G3BP2: variants seen among roughly 807,000 people sequenced by gnomAD.
G3BP2 encodes G3BP stress granule assembly factor 2.
G3BP2 carries 11 observed loss-of-function variants against 56.7 expected under a neutral mutation model. The observed-to-expected ratio is 0.19, with a 90% confidence interval of 0.12 to 0.32. G3BP2 has a LOEUF of 0.32. Among genes scored for constraint, G3BP2 ranks in the 10% least tolerant of loss-of-function variants. The pLI is 1.00. For missense variants in G3BP2, 340 were observed against 610.9 expected (o/e 0.56, Z 4.67); for synonymous variants, 165 against 191.6 (o/e 0.86, Z 1.15).
At position 75,668,690 on chromosome 4, in the gene G3BP2, G is replaced by A. The variant is rs2149032279; in HGVS notation, c.-25+4518C>T. Among the ~76,000 whole-genome samples, 2 of 152,250 alleles carry A rather than the reference G, an allele frequency of 1.3e-5. 1 individual carries two copies. Among genetic ancestry groups the A allele is most frequent in the African/African-American group, 4.8e-5 (2 of 41,546 alleles). On this transcript the variant is annotated intron_variant, in intron 1 of 11. Transcript: ENST00000359707. ...GATCCTAAAAGTCTGTTAACAAGAA[G>A]CAGGACTTTTGACTTCTCCTCCAAT...
chr4:75,671,372 T>A (rs776307217), intron 1 of G3BP2, among the ~76,000 whole-genome samples: 1 of 152,222 alleles, frequency 6.6e-6, no homozygotes, highest in Non-Finnish European at 1.5e-5. Context: ...TTTTGCAGGA[T>A]AAGGAGGGAA....
intron 3 of G3BP2, among the ~76,000 whole-genome samples, chr4:75,687,830 G>A (rs1718675353): frequency 6.6e-6 from 1 of 152,188 alleles, no homozygotes; most frequent in African/African-American, 2.4e-5. Flanking sequence ...ATAAATAACT[G>A]AGCCCCTGGC....
chr4:75,669,880 G>A (rs534173089), intron 1 of G3BP2, among the ~76,000 whole-genome samples: 2 of 148,576 alleles, frequency 1.3e-5, no homozygotes, highest in Non-Finnish European at 2.9e-5. Context: ...ATCACCTGAG[G>A]TCAGGAGTTC....
chr4:75,655,092 C>A lies in G3BP2; in HGVS notation c.700G>T (p.Val234Phe). ...TTTGGTGGTTCTTGTGGCAGAGAAA[C>A]AGGTTCTGCCGGAGGAGGAGTAGTA... ...KSTTPPPAEP[V>F]SLPQEPPKAF... The change falls in exon 7 of 12, where the codon GTT (valine) becomes TTT (phenylalanine). Residue 234 changes from valine (V) to phenylalanine (F), a missense_variant. Physicochemically the swap from Val to Phe is conservative, Grantham distance 50 (BLOSUM62 -1). Around this residue, in one of 4 missense-constraint regions of G3BP2, gnomAD observed 224 missense variants for 332.5 expected, o/e 0.67. Coordinates refer to ENST00000359707, the MANE Select transcript of G3BP2 (RefSeq NM_203505.3). 3 of 1,612,068 alleles carry A rather than the reference C, an allele frequency of 1.9e-6. No homozygotes were observed. The highest frequency in any genetic ancestry group is 1.7e-6 in the Non-Finnish European group (2 of 1,179,198).
At chr4:75,678,853 AT>A (rs1411681503) in intron 3 of G3BP2, among the ~76,000 whole-genome samples, 2 of 152,342 alleles carry the variant, frequency 1.3e-5, no homozygotes, top group Non-Finnish European at 1.5e-5. Context: ...CATGTAAAAC[AT>A]TTTAACAGTG....
rs1731022452 is a variant in G3BP2 at position 75,643,603 on chromosome 4, G to A, written c.*1827C>T. ...AGACCTCATTCAAAGGGGGAAAAAGGGACAGATTTTACTCATATTGCCCAG... is the reference window on the plus strand; with the variant it reads ...AGACCTCATTCAAAGGGGGAAAAAGAGACAGATTTTACTCATATTGCCCAG... On this transcript the variant is annotated 3_prime_UTR_variant, in exon 12 of 12. Transcript: ENST00000359707. 6.6e-6 allele frequency: 1 copy of A among 152,192 alleles called. No homozygotes were observed. Among genetic ancestry groups the A allele is most frequent in the Non-Finnish European group, 1.5e-5 (1 of 67,948 alleles). The allele number at this position is 152,192 out of a possible 1,614,324, so 9.4% of individuals were successfully genotyped here. A position where few individuals can be genotyped will look rare whatever the true frequency, so the allele number is the denominator to read the frequency against.
chr4:75,708,406 T>C (rs193136148), intron 3 of G3BP2, among the ~76,000 whole-genome samples: 1 of 152,250 alleles, frequency 6.6e-6, no homozygotes, highest in Admixed American at 6.5e-5. Flanking sequence ...GGTAAACAAA[T>C]TCTATAAGCC....
chr4:75,688,673 T>C (rs1435523632), intron 3 of G3BP2, among the ~76,000 whole-genome samples: 1 of 152,188 alleles, frequency 6.6e-6, no homozygotes, highest in African/African-American at 2.4e-5. Context: ...AAATCCTCCT[T>C]GTCCTTTACT....
At chr4:75,654,973 A>G (rs1731978472) in intron 7 of G3BP2, 93 bp downstream of exon 7, 3 of 792,912 alleles carry the variant, frequency 3.8e-6, no homozygotes, top group Non-Finnish European at 6.0e-6. Flanking sequence ...AATTTACTAA[A>G]CAATTTAACA....
At chr4:75,657,484 T>TAGA (rs903427432) in intron 4 of G3BP2, 73 bp downstream of exon 4, 7 of 1,115,160 alleles carry the variant, frequency 6.3e-6, no homozygotes, top group Non-Finnish European at 9.0e-6. Context: ...CTAAACCTAT[T>TAGA]AGAAGAAACC....
In G3BP2 at chr4:75,642,807, ATTGT is replaced by A. The variant is rs912498827; in HGVS notation, c.*2619_*2622del. On this transcript the variant is annotated 3_prime_UTR_variant, in exon 12 of 12. Transcript: ENST00000359707. ...TAAATGCTGCAGACATCAGTAGTTT[ATTGT>A]TTGTTTAGTCCAAACACATTCAATA... 1 of 152,624 alleles carries A rather than the reference ATTGT, an allele frequency of 6.6e-6. No individual in the cohort carries two copies. The highest frequency in any genetic ancestry group is 1.5e-5 in the Non-Finnish European group (1 of 67,994). 9.5% of individuals were successfully genotyped at this position (152,624 alleles called of 1,614,324 possible).
intron 8 of G3BP2, among the ~76,000 whole-genome samples, chr4:75,652,661 A>T (rs1731789749): frequency 6.6e-6 from 1 of 152,120 alleles, no homozygotes; most frequent in East Asian, 1.9e-4. Context: ...CATGAGCCAC[A>T]TATGGACTCA....
At chr4:75,682,508 G>T (rs1173956060) in intron 3 of G3BP2, among the ~76,000 whole-genome samples, 1 of 152,160 alleles carries the variant, frequency 6.6e-6, no homozygotes, top group Non-Finnish European at 1.5e-5. Flanking sequence ...CTCGAAGGGG[G>T]AGGAATAGTG....
intron 1 of G3BP2, chr4:75,662,591 AC>A (rs1230506521): frequency 6.6e-6 from 1 of 152,284 alleles, no homozygotes; most frequent in East Asian, 1.9e-4. Context: ...AAAGCAACTT[AC>A]AACAAATAGC....
At chr4:75,665,701 T>A (rs1020246928) in intron 1 of G3BP2, among the ~76,000 whole-genome samples, 35 of 151,858 alleles carry the variant, frequency 2.3e-4, no homozygotes, top group African/African-American at 8.2e-4. Flanking sequence ...GCAACTAACA[T>A]TTTTATTTTG....
chr4:75,646,859 CAT>C lies in G3BP2; in HGVS notation c.1057+168_1057+169del, dbSNP rs550320669. Among the ~76,000 whole-genome samples the C allele has an allele frequency of 2.9e-3, 434 of 152,246 alleles. 1 individual carries two copies. Among genetic ancestry groups the C allele is most frequent in the African/African-American group, 0.01 (416 of 41,526 alleles). On this transcript the variant is annotated intron_variant, in intron 10 of 11. Transcript: ENST00000359707. ...TCAACACTAAGCAGTCACTGAGAAA[CAT>C]GTGAGATAAGTCATCTACTCCCTTC...
chr4:75,674,710 ATATATATATTTTTTTTTTT>A (rs1185473965), upstream of G3BP2, among the ~76,000 whole-genome samples: 4 of 47,864 alleles, frequency 8.4e-5, no homozygotes, highest in Admixed American at 2.4e-4. Flanking sequence ...ATATATATAT[ATATATATATTTTTTTTTTT>A]TTTTTTTTTT....
At chr4:75,698,173 C>T (rs1354729319) in intron 3 of G3BP2, among the ~76,000 whole-genome samples, 1 of 152,100 alleles carries the variant, frequency 6.6e-6, no homozygotes, top group Non-Finnish European at 1.5e-5. Flanking sequence ...CCTGAAATAT[C>T]TAGGGGAGCC....
At chr4:75,657,865 T>C (rs1732230652) in intron 3 of G3BP2, 135 bp from the exon 4 acceptor site, 3 of 587,960 alleles carry the variant, frequency 5.1e-6, no homozygotes, top group South Asian at 2.2e-5. Context: ...CCAACGACCA[T>C]GCTGTGCATC....
Sources: gnomAD v4.1 joint callset for allele counts (sites outside exome capture counted in the v4.1 genomes callset) on GRCh38, gnomAD v4.1.1 for gene constraint, gnomAD v4.1.1 regional missense constraint, MANE v1.5 for transcripts, NCBI Gene and HGNC (gene_info 2026-07-23, HGNC 2026-07-21) for gene names.